Variants in ANPEP observed in about 807,000 individuals in gnomAD.
ANPEP encodes aminopeptidase N.
ANPEP carries 70 observed loss-of-function variants against 114.6 expected under a neutral mutation model. The observed-to-expected ratio is 0.61, with a 90% CI of 0.50 to 0.75. ANPEP has a LOEUF of 0.75. ANPEP is among the 30% of genes least tolerant of loss of function. The pLI is 0.00. For missense variants in ANPEP, 1,184 were observed against 1,259.5 expected (o/e 0.94, Z 0.91); for synonymous variants, 548 against 522.3 (o/e 1.05, Z -0.67).
At chr15:89,811,085 G>C (rs901002895) in intron 1 of ANPEP, among the ~76,000 whole-genome samples, 8 of 152,228 alleles carry the variant, frequency 5.3e-5, no homozygotes, top group African/African-American at 1.9e-4. Context: ...ACACGTGCTT[G>C]TGGAATGGGG....
At chr15:89,792,055 G>C in intron 18 of ANPEP, 105 bp downstream of exon 18, 1 of 1,356,336 alleles carries the variant, frequency 7.4e-7, no homozygotes, top group Non-Finnish European at 1.0e-6. Context: ...CACCTCAACA[G>C]GTCTGTGGGG....
chr15:89,804,320 G>A lies in ANPEP; in HGVS notation c.1112C>T (p.Pro371Leu). ...TYRENSLLFDPLSSSSSNKER... is the reference protein window; with the variant it reads ...TYRENSLLFDLLSSSSSNKER... ...CTTGTTGCTGCTGGAGGAGGACAGG[G>A]GGTCGAACAGCAGGGAGTTCTCCCG... is the stretch of plus-strand genomic sequence containing the variant. The change falls in exon 6 of 21, where the codon CCC becomes CTC. Residue 371 changes from proline to leucine, a missense_variant. Coordinates refer to ENST00000300060, the MANE Select transcript of ANPEP (RefSeq NM_001150.3). 6.2e-7 allele frequency: 1 copy of A among 1,614,180 alleles called. No homozygotes were observed. Among genetic ancestry groups the A allele is most frequent in the Non-Finnish European group, 8.5e-7 (1 of 1,180,028 alleles).
intron 20 of ANPEP, among the ~76,000 whole-genome samples, chr15:89,789,939 G>A (rs913038470): frequency 2.7e-5 from 4 of 150,332 alleles, no homozygotes; most frequent in Non-Finnish European, 5.9e-5. Flanking sequence ...GGCACTTGTA[G>A]TCCCAGCTAC....
intron 20 of ANPEP, 30 bp from the exon 21 acceptor site, chr15:89,785,531 G>A (rs374682937): frequency 8.3e-5 from 130 of 1,559,200 alleles, no homozygotes; most frequent in South Asian, 4.6e-4. Context: ...TTCTCAGTCC[G>A]GCTGGGTCCC....
At chr15:89,791,455 C>T (rs978402347) in intron 18 of ANPEP, among the ~76,000 whole-genome samples, 7 of 151,978 alleles carry the variant, frequency 4.6e-5, no homozygotes, top group South Asian at 2.1e-4. Flanking sequence ...TCTTTTCTTT[C>T]GAGACGGAGT....
Position 89,801,195 on chromosome 15 carries a change from TA to T in ANPEP, c.1743-9del. The stretch of plus-strand genomic sequence containing the variant: ...GGCACAATCCACACGTAGCTGCAAT[TA>T]AAGATCCAGAGGTGGTGAGAGATGG... On this transcript the variant is annotated splice_polypyrimidine_tract_variant and intron_variant, in intron 11 of 20. Coordinates refer to ENST00000300060, the MANE Select transcript of ANPEP (RefSeq NM_001150.3). 1 of 1,614,026 alleles carries T rather than the reference TA, an allele frequency of 6.2e-7. No homozygotes were observed. The highest frequency in any genetic ancestry group is 8.5e-7 in the Non-Finnish European group (1 of 1,179,976).
intron 2 of ANPEP, 25 bp downstream of exon 2, chr15:89,805,945 A>C: frequency 6.4e-7 from 1 of 1,565,160 alleles, no homozygotes; most frequent in Non-Finnish European, 8.7e-7. Context: ...GATCCACCCC[A>C]CCGGGCAGCC....
chr15:89,791,238 T>G (rs953170959), intron 18 of ANPEP, 145 bp from the exon 19 acceptor site: 2 of 902,476 alleles, frequency 2.2e-6, no homozygotes, highest in African/African-American at 3.4e-5. Context: ...TTGGTCCTTC[T>G]TCCCTCTATA....
chr15:89,785,183 G>A lies in ANPEP; in HGVS notation c.*166C>T. 1.1e-6 allele frequency: 1 copy of A among 918,548 alleles called. No individual in the cohort carries two copies. The highest frequency in any genetic ancestry group is 1.6e-6 in the Non-Finnish European group (1 of 617,070). The allele number at this position is 918,548 out of a possible 1,614,324, so 56.9% of individuals were successfully genotyped here. A position where few individuals can be genotyped will look rare whatever the true frequency, so the allele number is the denominator to read the frequency against. Reference sequence around the variant, plus strand: ...GGTGCTCAGGCAGCCTGGGTCATCAGGAACTAGACTGGCTCACAGGCAGAG... The same window carrying A: ...GGTGCTCAGGCAGCCTGGGTCATCAAGAACTAGACTGGCTCACAGGCAGAG... On this transcript the variant is annotated 3_prime_UTR_variant, in exon 21 of 21. Coordinates refer to ENST00000300060, the MANE Select transcript of ANPEP (RefSeq NM_001150.3).
intron 15 of ANPEP, among the ~76,000 whole-genome samples, chr15:89,796,426 G>T (rs1361289235): frequency 6.6e-6 from 1 of 152,144 alleles, no homozygotes; most frequent in Admixed American, 6.5e-5. Context: ...TAAGAGGGTT[G>T]AAACTTCATT....
intron 15 of ANPEP, among the ~76,000 whole-genome samples, chr15:89,794,831 T>G (rs28626435): frequency 0.38 from 58,023 of 151,760 alleles, 12,597 homozygotes; most frequent in African/African-American, 0.6. Context: ...CATTGCACAA[T>G]ACAGAGGCTT....
In ANPEP at chr15:89,813,998, G is replaced by GT. The variant is rs1052058418; in HGVS notation, c.-224+773_-224+774insA. On this transcript the variant is annotated intron_variant, in intron 1 of 20. Transcript: ENST00000300060. The stretch of plus-strand genomic sequence containing the variant: ...CCCTGCCCACCGCACTGCTGGGGGG[G>GT]GGGGGTGCGTTCTGGAGTCATTTGG... Among the ~76,000 whole-genome samples the GT allele has an allele frequency of 1.4e-3, 202 of 149,184 alleles. 8 individuals are homozygous for GT. Among genetic ancestry groups the GT allele is most frequent in the African/African-American group, 4.8e-3 (197 of 40,792 alleles).
At chr15:89,811,479 TA>T (rs2141817265) in intron 1 of ANPEP, among the ~76,000 whole-genome samples, 1 of 151,868 alleles carries the variant, frequency 6.6e-6, no homozygotes, top group South Asian at 2.1e-4. Flanking sequence ...ACCTCATCTC[TA>T]CTAAAAATAC....
At chr15:89,790,415 GGGAA>G in intron 20 of ANPEP, 41 bp downstream of exon 20, 2 of 1,574,558 alleles carry the variant, frequency 1.3e-6, no homozygotes, top group Non-Finnish European at 1.7e-6. Context: ...CCTTTGGCCT[GGGAA>G]GGAAGTAGGC....
chr15:89,800,138 G>A (rs1894557480), intron 12 of ANPEP, among the ~76,000 whole-genome samples: 1 of 152,050 alleles, frequency 6.6e-6, no homozygotes, highest in Non-Finnish European at 1.5e-5. Context: ...TTTATCTCTT[G>A]GGCACACCTC....
At chr15:89,786,680 G>A (rs1434472534) in intron 20 of ANPEP, among the ~76,000 whole-genome samples, 1 of 149,724 alleles carries the variant, frequency 6.7e-6, no homozygotes, top group Non-Finnish European at 1.5e-5. Flanking sequence ...GTGACAGAGT[G>A]AGACCCTTTC....
rs556333048 is a variant in ANPEP, at chr15:89,810,033, C to A, written c.-223-3227G>T. On this transcript the variant is annotated intron_variant, in intron 1 of 20. Transcript: ENST00000300060. Reference sequence around the variant, plus strand: ...CTTATCATGCACACCAGCCCCCACTCCCCTCTGCGCTTCCCCAGTCTCCAG... The same window carrying A: ...CTTATCATGCACACCAGCCCCCACTACCCTCTGCGCTTCCCCAGTCTCCAG... Among the ~76,000 whole-genome samples, 4 of 152,270 alleles carry A rather than the reference C, an allele frequency of 2.6e-5. No homozygotes were observed. The South Asian group carries it at 8.3e-4, about 32-fold the overall frequency.
chr15:89,785,497 T>C lies in ANPEP; in HGVS notation c.2756A>G (p.Glu919Gly). The change falls in exon 21 of 21, where the codon GAG becomes GGG. Residue 919 changes from glutamate to glycine, a missense_variant. By Grantham distance (98) the Glu-to-Gly change is moderately conservative. Coordinates refer to ENST00000300060, the MANE Select transcript of ANPEP (RefSeq NM_001150.3). The stretch of plus-strand genomic sequence containing the variant: ...TTCCTCGTTGTCCTTCTTGAACTGC[T>C]CCAGCTGCCAGAAAAACAAAAGATT... Reference protein sequence around the residue: ...FSTEYELQQLEQFKKDNEETG... With the variant: ...FSTEYELQQLGQFKKDNEETG... 9.3e-6 allele frequency: 15 copies of C among 1,613,848 alleles called. No homozygotes were observed. Among genetic ancestry groups the C allele is most frequent in the Non-Finnish European group, 1.2e-5 (14 of 1,179,848 alleles).
At chr15:89,792,912 G>A (rs993057796) in intron 16 of ANPEP, 123 bp downstream of exon 16, 2 of 864,424 alleles carry the variant, frequency 2.3e-6, no homozygotes, top group East Asian at 2.4e-5. Flanking sequence ...CTGCTCCTGG[G>A]TGGGGGTCTC....
Sources: gnomAD v4.1 joint callset for allele counts (sites outside exome capture counted in the v4.1 genomes callset) on GRCh38, gnomAD v4.1.1 for gene constraint, MANE v1.5 for transcripts, NCBI Gene and HGNC (gene_info 2026-07-23, HGNC 2026-07-21) for gene names.